The following MAPKAP1 variants were observed in gnomAD, a reference collection of about 807,000 sequenced individuals.
MAPKAP1 encodes the protein MAPK associated protein 1, also known as target of rapamycin complex 2 subunit MAPKAP1.
MAPKAP1 carries 20 observed loss-of-function variants against 65.7 expected under a neutral mutation model. The ratio of observed to expected loss-of-function variants is 0.30; its 90% CI spans 0.21 to 0.44. MAPKAP1 has a LOEUF of 0.44. Among genes scored for constraint, MAPKAP1 ranks in the 20% least tolerant of loss-of-function variants. The pLI is 1.00. For synonymous variants in MAPKAP1, 222 were observed against 244.3 expected (o/e 0.91, Z 0.85); for missense variants, 423 against 648.0 (o/e 0.65, Z 3.77).
At chr9:125,687,486 A>G (rs905830011) in intron 1 of MAPKAP1, among the ~76,000 whole-genome samples, 16 of 152,192 alleles carry the variant, frequency 1.1e-4, no homozygotes, top group Admixed American at 2.0e-4. Flanking sequence ...GCTATAAAAC[A>G]AAATAGAGGC....
intron 7 of MAPKAP1, among the ~76,000 whole-genome samples, chr9:125,540,899 T>C (rs969105172): frequency 1.6e-4 from 25 of 152,178 alleles, no homozygotes; most frequent in African/African-American, 6.0e-4. Flanking sequence ...GTCTAAAAAG[T>C]TCAAAAACAC....
At chr9:125,621,772 T>C (rs982534734) in intron 4 of MAPKAP1, among the ~76,000 whole-genome samples, 6 of 152,234 alleles carry the variant, frequency 3.9e-5, no homozygotes, top group Admixed American at 2.0e-4. Context: ...TAACTATACA[T>C]GGGTTCTTAA....
chr9:125,609,133 T>A (rs962424462), intron 4 of MAPKAP1, among the ~76,000 whole-genome samples: 5 of 152,256 alleles, frequency 3.3e-5, no homozygotes, highest in Admixed American at 2.0e-4. Context: ...TAAATTTGTC[T>A]ATTAAAAATG....
chr9:125,517,931 T>G (rs1829509314), intron 7 of MAPKAP1, among the ~76,000 whole-genome samples: 1 of 151,052 alleles, frequency 6.6e-6, no homozygotes, highest in African/African-American at 2.5e-5. Context: ...CTAGCCAGCA[T>G]CAGGGCACTC....
chr9:125,651,085 G>C lies in MAPKAP1; in HGVS notation c.498+6566C>G, dbSNP rs142219964. Among the ~76,000 whole-genome samples the C allele has an allele frequency of 9.9e-3, 1,510 of 152,176 alleles. 21 individuals carry two copies. Among genetic ancestry groups the C allele is most frequent in the African/African-American group, 0.035 (1,434 of 41,502 alleles). ...GGGCTCAAGTGATCCTTCCGCCTCAGCCTCCCAACATGCTGGGGTTACAGG... is the reference window on the plus strand; with the variant it reads ...GGGCTCAAGTGATCCTTCCGCCTCACCCTCCCAACATGCTGGGGTTACAGG... On this transcript the variant is annotated intron_variant, in intron 4 of 11. Coordinates refer to ENST00000265960, the MANE Select transcript of MAPKAP1 (RefSeq NM_001006617.3).
intron 6 of MAPKAP1, among the ~76,000 whole-genome samples, chr9:125,555,320 C>A (rs1263557038): frequency 2.6e-5 from 4 of 152,164 alleles, no homozygotes; most frequent in African/African-American, 9.7e-5. Flanking sequence ...TACTGTTACC[C>A]AAATTTTAAA....
In MAPKAP1 at chr9:125,521,148, C is replaced by T. The variant is rs150525236; in HGVS notation, c.959-14731G>A. Among the ~76,000 whole-genome samples, 422 of 152,304 alleles carry T rather than the reference C, an allele frequency of 2.8e-3. 2 individuals carry two copies. Among genetic ancestry groups the T allele is most frequent in the African/African-American group, 9.8e-3 (409 of 41,562 alleles). On this transcript the variant is annotated intron_variant, in intron 7 of 11. Transcript: ENST00000265960. ...CCACTGGACAGGAGCCTCATATATG[C>T]GGTTGTAGGCAGAGAGTGTGCTTGA... is the stretch of plus-strand genomic sequence containing the variant.
At chr9:125,683,433 ATCT>A (rs1207040763) in intron 1 of MAPKAP1, among the ~76,000 whole-genome samples, 1 of 152,180 alleles carries the variant, frequency 6.6e-6, no homozygotes, top group Non-Finnish European at 1.5e-5. Flanking sequence ...AGCCAGAGAG[ATCT>A]TCTTGCCGGC....
intron 1 of MAPKAP1, among the ~76,000 whole-genome samples, chr9:125,702,305 CA>C (rs540994685): frequency 1.6e-4 from 24 of 152,176 alleles, no homozygotes; most frequent in African/African-American, 5.5e-4. Flanking sequence ...GAGGCCAAGG[CA>C]GGTGGATCAC....
chr9:125,530,254 G>A (rs1829897131), intron 7 of MAPKAP1, among the ~76,000 whole-genome samples: 1 of 152,192 alleles, frequency 6.6e-6, no homozygotes, highest in Admixed American at 6.5e-5. Context: ...CGAAGAAAGA[G>A]GGACTTCTGC....
At chr9:125,458,612 A>C in intron 10 of MAPKAP1, among the ~76,000 whole-genome samples, 1 of 151,210 alleles carries the variant, frequency 6.6e-6, no homozygotes. Context: ...TCCCATGTCT[A>C]CTTCCTTCTA....
At chr9:125,515,544 A>G (rs1008479045) in intron 7 of MAPKAP1, among the ~76,000 whole-genome samples, 1 of 152,214 alleles carries the variant, frequency 6.6e-6, no homozygotes, top group Non-Finnish European at 1.5e-5. Context: ...CCCCTCTGAT[A>G]ACAGCACTCT....
chr9:125,480,179 C>T (rs556143675), intron 9 of MAPKAP1, among the ~76,000 whole-genome samples: 8 of 152,100 alleles, frequency 5.3e-5, no homozygotes, highest in Non-Finnish European at 8.8e-5. Flanking sequence ...AATTACATAC[C>T]TGTGTAATCT....
intron 10 of MAPKAP1, among the ~76,000 whole-genome samples, chr9:125,466,543 T>G (rs1023470513): frequency 6.6e-6 from 1 of 152,178 alleles, no homozygotes; most frequent in African/African-American, 2.4e-5. Flanking sequence ...GCATCCTAAG[T>G]TCTTGGAGAG....
intron 4 of MAPKAP1, chr9:125,652,092 T>C (rs775455857): frequency 4.0e-6 from 5 of 1,254,162 alleles, no homozygotes. Flanking sequence ...CAATTTTTCT[T>C]TTTACGTGAT....
At chr9:125,601,585 T>C (rs1449878874) in intron 4 of MAPKAP1, among the ~76,000 whole-genome samples, 1 of 152,228 alleles carries the variant, frequency 6.6e-6, no homozygotes, top group Admixed American at 6.5e-5. Flanking sequence ...ATCCAGCTTA[T>C]CCAAAGTTAG....
At chr9:125,506,179 G>A in intron 8 of MAPKAP1, 131 bp downstream of exon 8, 1 of 757,472 alleles carries the variant, frequency 1.3e-6, no homozygotes, top group Non-Finnish European at 2.3e-6. Flanking sequence ...CACGAAGACT[G>A]CAGTCTGCCT....
At chr9:125,571,708 C>A (rs1831237113) in intron 5 of MAPKAP1, among the ~76,000 whole-genome samples, 1 of 151,022 alleles carries the variant, frequency 6.6e-6, no homozygotes, top group Non-Finnish European at 1.5e-5. Context: ...AAAAAAAATA[C>A]AAAAATTTGC....
chr9:125,442,405 G>A (rs1479248840), intron 11 of MAPKAP1, among the ~76,000 whole-genome samples: 1 of 152,122 alleles, frequency 6.6e-6, no homozygotes, highest in East Asian at 1.9e-4. Flanking sequence ...ATCTTCCACA[G>A]TCTCATACTG....
Sources: gnomAD v4.1 joint callset for allele counts (sites outside exome capture counted in the v4.1 genomes callset) on GRCh38, gnomAD v4.1.1 for gene constraint, MANE v1.5 for transcripts, NCBI Gene and HGNC (gene_info 2026-07-23, HGNC 2026-07-21) for gene names.